PLXND1: variants seen among roughly 807,000 people sequenced by gnomAD.
PLXND1 encodes the protein plexin-D1.
PLXND1 carries 54 observed loss-of-function variants against 197.7 expected under a neutral mutation model. That is an observed-to-expected ratio of 0.27 (90% CI 0.22 to 0.34). PLXND1 has a LOEUF of 0.34. Among genes scored for constraint, PLXND1 ranks in the 10% least tolerant of loss-of-function variants. The probability of loss-of-function intolerance (pLI) is 1.00; values close to 1 mark genes in which losing one functional copy is unlikely to be tolerated. For synonymous variants in PLXND1, 1,180 were observed against 1,161.2 expected, an observed-to-expected ratio of 1.02 and a Z score of -0.33; for missense variants, 2,127 against 2,699.2, an observed-to-expected ratio of 0.79 and a Z score of 4.70.
intron 35 of PLXND1, 38 bp from the exon 36 acceptor site, chr3:129,556,466 TA>T (rs769795658): frequency 6.5e-7 from 1 of 1,529,792 alleles, no homozygotes; most frequent in Non-Finnish European, 9.1e-7. Context: ...CCATGGCCGG[TA>T]GCCCTGCCTC....
At position 129,563,208 on chromosome 3, in the gene PLXND1, C is replaced by T. The variant is rs757290446; in HGVS notation, c.4554G>A (p.Leu1518=). The T allele has an allele frequency of 6.2e-7, 1 of 1,612,464 alleles. No individual in the cohort carries two copies. The change falls in exon 26 of 36, where the codon CTG becomes CTA. Residue 1518 remains leucine (L), a synonymous_variant. Transcript: ENST00000324093. ...TGTTGATTTGCTGCTTGATGGCACA[C>T]AGCAGCAGGAAGAATGGCTCCCCCA... ...ETVGEPFFLL[L]CAIKQQINKG...
In PLXND1 at chr3:129,573,583, T is replaced by A. The variant is rs2085268241; in HGVS notation, c.2837+11A>T. The A allele has an allele frequency of 6.2e-7, 1 of 1,610,898 alleles. No individual in the cohort carries two copies. The highest frequency in any genetic ancestry group is 1.3e-5 in the African/African-American group (1 of 74,940). ...CTGGAGAAGGTAGGTGGGGGCACCG[T>A]GGCTACTCACTCCTCCGACACCGTG... On this transcript the variant is annotated intron_variant, in intron 13 of 35. Transcript: ENST00000324093.
At chr3:129,583,366 A>G (rs957775627) in intron 8 of PLXND1, among the ~76,000 whole-genome samples, 1 of 152,214 alleles carries the variant, frequency 6.6e-6, no homozygotes, top group African/African-American at 2.4e-5. Flanking sequence ...CTATATCAAA[A>G]TGCAAAAAAG....
intron 1 of PLXND1, among the ~76,000 whole-genome samples, chr3:129,603,496 C>T (rs902223516): frequency 3.3e-5 from 5 of 152,138 alleles, no homozygotes; most frequent in Admixed American, 3.3e-4. Flanking sequence ...CTCCATTCAG[C>T]GACTCCCCAC....
At chr3:129,589,286 C>T in intron 2 of PLXND1, 65 bp downstream of exon 2, 1 of 928,736 alleles carries the variant, frequency 1.1e-6, no homozygotes, top group Non-Finnish European at 1.7e-6. Flanking sequence ...AGACTGACCC[C>T]CTCAGCCAAC....
chr3:129,599,811 C>A (rs541579204), intron 1 of PLXND1, among the ~76,000 whole-genome samples: 1 of 152,214 alleles, frequency 6.6e-6, no homozygotes, highest in African/African-American at 2.4e-5. Context: ...TTCCCCACCA[C>A]GGAGAGCTCA....
intron 1 of PLXND1, among the ~76,000 whole-genome samples, chr3:129,597,631 T>A (rs571002571): frequency 2.0e-5 from 3 of 152,356 alleles, no homozygotes; most frequent in Non-Finnish European, 4.4e-5. Flanking sequence ...GACGGTGGAC[T>A]AGGCGGGGAG....
intron 7 of PLXND1, 115 bp downstream of exon 7, chr3:129,584,010 G>A (rs562453365): frequency 2.9e-6 from 2 of 693,146 alleles, no homozygotes; most frequent in East Asian, 2.7e-5. Context: ...TGAAGGGCCT[G>A]TCTACCTCTA....
At chr3:129,566,428 T>A in intron 23 of PLXND1, 99 bp downstream of exon 23, 1 of 780,622 alleles carries the variant, frequency 1.3e-6, no homozygotes, top group South Asian at 1.4e-5. Context: ...CAACTCCGCA[T>A]GACAGGGATC....
chr3:129,565,859 A>G (rs575147787), intron 24 of PLXND1, 28 bp downstream of exon 24: 17 of 1,610,486 alleles, frequency 1.1e-5, no homozygotes, highest in Non-Finnish European at 1.4e-5. Flanking sequence ...CCTCTTCCCT[A>G]CCCCACCCCA....
intron 1 of PLXND1, among the ~76,000 whole-genome samples, chr3:129,596,009 A>AG: frequency 6.6e-6 from 1 of 152,040 alleles, no homozygotes; most frequent in East Asian, 1.9e-4. Context: ...TAAGTCTCAC[A>AG]GCTCTTACCT....
At chr3:129,568,605 G>C (rs1321959578) in intron 20 of PLXND1, among the ~76,000 whole-genome samples, 2 of 152,144 alleles carry the variant, frequency 1.3e-5, no homozygotes, top group African/African-American at 2.4e-5. Context: ...CTGAAGTACA[G>C]TGGCGCGATC....
chr3:129,597,639 G>A (rs2085647045), intron 1 of PLXND1, among the ~76,000 whole-genome samples: 1 of 152,280 alleles, frequency 6.6e-6, no homozygotes, highest in Non-Finnish European at 1.5e-5. Flanking sequence ...ACTAGGCGGG[G>A]AGGGCCCCCG....
rs2108812230 is a variant in PLXND1 at position 129,606,202 on chromosome 3, G to A, written c.438C>T (p.Gly146=). The stretch of plus-strand genomic sequence containing the variant: ...TGCCCCGGCGCCGCAGCTGGCAGAA[G>A]CCCTGGTAGATGGACCCGCACACGA... ...LVVVCGSIYQ[G]FCQLRRRGNI... Residue 146 remains glycine, a synonymous_variant, in exon 1 of 36, where the codon GGC becomes GGT. Transcript: ENST00000324093. The A allele has an allele frequency of 6.4e-7, 1 of 1,572,736 alleles. No homozygotes were observed. The highest frequency in any genetic ancestry group is 8.6e-7 in the Non-Finnish European group (1 of 1,164,732).
chr3:129,606,039 C>T lies in PLXND1; in HGVS notation c.601G>A (p.Gly201Ser). ...TVGLVLPPAAGAGGSRLLVGA... is the reference protein window; with the variant it reads ...TVGLVLPPAASAGGSRLLVGA... ...ACGAGCAGGCGGCTGCCCCCCGCGC[C>T]CGCGGCGGGAGGCAGAACTAGCCCC... The change falls in exon 1 of 36, where the codon GGC becomes AGC. Residue 201 changes from glycine to serine, a missense_variant. Physicochemically the swap from Gly to Ser is moderately conservative, Grantham distance 56 (BLOSUM62 0). Coordinates refer to ENST00000324093, the MANE Select transcript of PLXND1 (RefSeq NM_015103.3). The T allele has an allele frequency of 6.3e-7, 1 of 1,595,314 alleles. No homozygotes were observed. The highest frequency in any genetic ancestry group is 8.5e-7 in the Non-Finnish European group (1 of 1,174,262).
chr3:129,572,270 G>A (rs1396795206), intron 15 of PLXND1, among the ~76,000 whole-genome samples: 1 of 152,116 alleles, frequency 6.6e-6, no homozygotes, highest in Non-Finnish European at 1.5e-5. Context: ...AAAGACAAAG[G>A]TGTTTCGCCA....
At chr3:129,572,814 C>T (rs757711323) in intron 14 of PLXND1, 28 bp downstream of exon 14, 26 of 1,612,388 alleles carry the variant, frequency 1.6e-5, no homozygotes, top group Non-Finnish European at 2.0e-5. Flanking sequence ...CTGGGCGGGC[C>T]GGACAGTGGG....
intron 2 of PLXND1, 40 bp downstream of exon 2, chr3:129,589,311 C>CCCCCCCCCCCCCCCCCCCCCACCCCCCA: frequency 2.2e-6 from 1 of 448,874 alleles, no homozygotes; most frequent in East Asian, 6.0e-5. Context: ...AGGGGAGCCT[C>CCCCCCCCCCCCCCCCCCCCCACCCCCCA]CCACCCCCAC....
chr3:129,559,529 A>T, intron 32 of PLXND1, 91 bp downstream of exon 32: 1 of 1,022,142 alleles, frequency 9.8e-7, no homozygotes, highest in Non-Finnish European at 1.4e-6. Context: ...CTTGACCCCA[A>T]GCAGGCGAGG....
Sources: gnomAD v4.1 joint callset for allele counts (sites outside exome capture counted in the v4.1 genomes callset) on GRCh38, gnomAD v4.1.1 for gene constraint, MANE v1.5 for transcripts, NCBI Gene and HGNC (gene_info 2026-07-23, HGNC 2026-07-21) for gene names.